The following FCHO2 variants were observed in gnomAD, a reference collection of about 807,000 sequenced individuals.
FCHO2 encodes F-BAR domain only protein 2.
Under a neutral mutation model 114.1 loss-of-function variants are expected in FCHO2, and 43 were observed. The observed-to-expected ratio is 0.38, with a 90% CI of 0.30 to 0.49. The LOEUF (loss-of-function observed/expected upper bound fraction) is 0.49, where lower values mean the gene tolerates loss of function less well. Among genes scored for constraint, FCHO2 ranks in the 20% least tolerant of loss-of-function variants. The probability of loss-of-function intolerance (pLI) is 0.97; values close to 1 mark genes in which losing one functional copy is unlikely to be tolerated. For missense variants in FCHO2, 807 were observed against 950.4 expected, an observed-to-expected ratio of 0.85 and a Z score of 1.98; for synonymous variants, 293 against 315.2, an observed-to-expected ratio of 0.93 and a Z score of 0.75.
In FCHO2 at chr5:73,082,705, C is replaced by T. The variant is rs981336582; in HGVS notation, c.2181-56C>T. On this transcript the variant is annotated intron_variant, in intron 23 of 25. Transcript: ENST00000430046. ...TACACTTATTTATTGAGGTCCCATT[C>T]ATGTATCAGGTACTATACTAGACAC... The T allele has an allele frequency of 1.3e-5, 18 of 1,340,838 alleles. No individual in the cohort carries two copies. The South Asian group carries it at 2.1e-4, about 16-fold the overall frequency. 83.1% of individuals were successfully genotyped at this position (1,340,838 alleles called of 1,614,324 possible).
rs527625905 is a variant in FCHO2, at chr5:73,023,180, A to G, written c.796+5872A>G. The stretch of plus-strand genomic sequence containing the variant: ...CTACTGTAGTACATTGTAGAATCAC[A>G]GTACAAAGATACCAAACCCCAAAAT... On this transcript the variant is annotated intron_variant, in intron 8 of 25. Transcript: ENST00000430046. 4.6e-5 allele frequency among the ~76,000 whole-genome samples: 7 copies of G among 152,352 alleles called. No homozygotes were observed. The South Asian group carries it at 1.4e-3, about 32-fold the overall frequency.
chr5:73,085,016 C>A (rs933817449), intron 24 of FCHO2, among the ~76,000 whole-genome samples: 1 of 152,174 alleles, frequency 6.6e-6, no homozygotes. Context: ...TGAAACTATA[C>A]TATTGTAAAT....
chr5:72,971,323 T>TAA, intron 2 of FCHO2, among the ~76,000 whole-genome samples: 1 of 151,390 alleles, frequency 6.6e-6, no homozygotes, highest in South Asian at 2.1e-4. Context: ...ACCAACAGTG[T>TAA]AAAAGTGTTC....
At chr5:73,047,431 A>T (rs1433010335) in intron 11 of FCHO2, among the ~76,000 whole-genome samples, 3 of 151,610 alleles carry the variant, frequency 2.0e-5, no homozygotes, top group Admixed American at 2.0e-4. Context: ...AAGCAGATGT[A>T]TGTTTGTGTT....
intron 1 of FCHO2, among the ~76,000 whole-genome samples, chr5:72,962,688 A>G (rs2112585503): frequency 6.6e-6 from 1 of 152,220 alleles, no homozygotes; most frequent in East Asian, 1.9e-4. Flanking sequence ...AGGTCAAGAG[A>G]TCAAGACCAT....
chr5:73,034,214 G>T (rs780303918), intron 8 of FCHO2, among the ~76,000 whole-genome samples: 27 of 152,092 alleles, frequency 1.8e-4, no homozygotes, highest in Non-Finnish European at 2.9e-4. Flanking sequence ...TGATGAACAG[G>T]ACAGATGAGG....
At chr5:73,076,048 A>C (rs1742895211) in intron 20 of FCHO2, among the ~76,000 whole-genome samples, 1 of 152,160 alleles carries the variant, frequency 6.6e-6, no homozygotes, top group African/African-American at 2.4e-5. Flanking sequence ...CAGGAAGATG[A>C]GAATGATTTA....
chr5:72,961,531 G>A (rs899838395), intron 1 of FCHO2, among the ~76,000 whole-genome samples: 2 of 151,844 alleles, frequency 1.3e-5, no homozygotes, highest in African/African-American at 4.8e-5. Flanking sequence ...GGTATAAGAG[G>A]GAGTAAATCT....
Position 73,022,490 on chromosome 5 carries a change from A to G in FCHO2, c.796+5182A>G, listed in dbSNP as rs1042932478. On this transcript the variant is annotated intron_variant, in intron 8 of 25. Transcript: ENST00000430046. ...TTATATGCCAGTGTCATTTCCTAAG[A>G]CACTGCTCAGCCAAAGGCTGACAAG... 9.9e-5 allele frequency among the ~76,000 whole-genome samples: 15 copies of G among 152,140 alleles called. No homozygotes were observed. The East Asian group carries it at 2.3e-3, about 24-fold the overall frequency.
Position 73,015,075 on chromosome 5 carries a change from CAAAAAAAAAAA to C in FCHO2, c.601-539_601-529del, listed in dbSNP as rs1001718712. Among the ~76,000 whole-genome samples the C allele has an allele frequency of 3.1e-4, 10 of 31,818 alleles. No homozygotes were observed. The East Asian group carries it at 9.0e-3, about 29-fold the overall frequency. The allele number at this position is 31,818 out of a possible 152,430, so 20.9% of individuals were successfully genotyped here. A position where few individuals can be genotyped will look rare whatever the true frequency, so the allele number is the denominator to read the frequency against. Reference sequence around the variant, plus strand: ...TGGGTGACAGAGCAAGACTCCGTCTCAAAAAAAAAAAAAAAAAAAAAAGCTCCAAATTCTAG... The same window carrying C: ...TGGGTGACAGAGCAAGACTCCGTCTCAAAAAAAAAAAGCTCCAAATTCTAG... On this transcript the variant is annotated intron_variant, in intron 6 of 25. Coordinates refer to ENST00000430046, the MANE Select transcript of FCHO2 (RefSeq NM_138782.3).
intron 18 of FCHO2, among the ~76,000 whole-genome samples, chr5:73,066,317 G>A (rs780671005): frequency 1.4e-4 from 21 of 151,762 alleles, no homozygotes; most frequent in Non-Finnish European, 2.4e-4. Context: ...CTTCTACACC[G>A]TTGTCAGAAT....
intron 2 of FCHO2, among the ~76,000 whole-genome samples, chr5:72,972,760 G>A (rs1341885128): frequency 6.6e-6 from 1 of 152,112 alleles, no homozygotes; most frequent in Non-Finnish European, 1.5e-5. Flanking sequence ...TGGTGAGAGA[G>A]GGCATCCCTG....
At chr5:73,008,689 AT>A (rs980122015) in intron 6 of FCHO2, among the ~76,000 whole-genome samples, 2 of 151,212 alleles carry the variant, frequency 1.3e-5, no homozygotes, top group African/African-American at 2.4e-5. Flanking sequence ...AAAACCAAGT[AT>A]TTTTTTTTCT....
intron 25 of FCHO2, 81 bp from the exon 26 acceptor site, chr5:73,087,987 T>C: frequency 1.3e-6 from 2 of 1,575,068 alleles, no homozygotes; most frequent in African/African-American, 1.3e-5. Flanking sequence ...AACTAGAGTT[T>C]TGTATTGGTA....
At chr5:73,042,727 G>A (rs1306002610) in intron 11 of FCHO2, among the ~76,000 whole-genome samples, 2 of 152,106 alleles carry the variant, frequency 1.3e-5, no homozygotes. Flanking sequence ...CATTTATAAA[G>A]TTTATATGCA....
At chr5:73,072,213 T>C (rs1159423841) in intron 19 of FCHO2, among the ~76,000 whole-genome samples, 4 of 151,950 alleles carry the variant, frequency 2.6e-5, no homozygotes, top group African/African-American at 9.7e-5. Context: ...ATTAATTTCA[T>C]ATTTAAGAGA....
chr5:73,005,112 G>T (rs183573914), intron 5 of FCHO2, among the ~76,000 whole-genome samples: 68 of 152,244 alleles, frequency 4.5e-4, no homozygotes, highest in Non-Finnish European at 8.7e-4. Context: ...AAGAAGGCAG[G>T]AAAGTACATA....
chr5:73,074,660 C>A, intron 19 of FCHO2, 82 bp from the exon 20 acceptor site: 2 of 1,306,358 alleles, frequency 1.5e-6, no homozygotes, highest in Non-Finnish European at 2.2e-6. Context: ...TTTGTGACAG[C>A]CTAACAATGT....
At position 72,973,607 on chromosome 5, in the gene FCHO2, G is replaced by C. The variant is rs1472549865; in HGVS notation, c.125+5018G>C. Among the ~76,000 whole-genome samples the C allele has an allele frequency of 2.1e-3, 308 of 149,484 alleles. 3 individuals are homozygous for C. The highest frequency in any genetic ancestry group is 7.3e-3 in the African/African-American group (298 of 40,850). Reference sequence around the variant, plus strand: ...TTCTTCTCTCTTTTTTTCTTTATTAGTCTTGCTAGTGGTCTATCAATTTTG... The same window carrying C: ...TTCTTCTCTCTTTTTTTCTTTATTACTCTTGCTAGTGGTCTATCAATTTTG... On this transcript the variant is annotated intron_variant, in intron 2 of 25. Coordinates refer to ENST00000430046, the MANE Select transcript of FCHO2 (RefSeq NM_138782.3).
Sources: gnomAD v4.1 joint callset for allele counts (sites outside exome capture counted in the v4.1 genomes callset) on GRCh38, gnomAD v4.1.1 for gene constraint, MANE v1.5 for transcripts, NCBI Gene and HGNC (gene_info 2026-07-23, HGNC 2026-07-21) for gene names.